ME1: variants seen among roughly 807,000 people sequenced by gnomAD.
ME1 encodes NADP-dependent malic enzyme.
A neutral mutation model predicts 66.4 loss-of-function variants in ME1; 74 were observed. The observed-to-expected ratio is 1.11, with a 90% CI of 0.92 to 1.35. The LOEUF (loss-of-function observed/expected upper bound fraction) is 1.35. Among genes scored for constraint, ME1 ranks in the 40% most tolerant of loss-of-function variants. ME1 has a pLI of 0.00. For synonymous variants in ME1, 251 were observed against 235.6 expected, an observed-to-expected ratio of 1.07 and a Z score of -0.60; for missense variants, 750 against 694.1, an observed-to-expected ratio of 1.08 and a Z score of -0.90.
At chr6:83,361,568 T>C (rs1275693261) in intron 3 of ME1, among the ~76,000 whole-genome samples, 2 of 152,250 alleles carry the variant, frequency 1.3e-5, no homozygotes, top group Non-Finnish European at 2.9e-5. Flanking sequence ...ATAGGGATGC[T>C]GTTTGGAGCC....
chr6:83,212,127 A>G (rs764591954), intron 13 of ME1, 33 bp from the exon 14 acceptor site: 52 of 1,490,512 alleles, frequency 3.5e-5, no homozygotes, highest in Non-Finnish European at 4.4e-5. Context: ...AATTATTTTA[A>G]TAAATAGAGG....
At chr6:83,420,667 G>A (rs1770246320) in intron 1 of ME1, among the ~76,000 whole-genome samples, 1 of 152,158 alleles carries the variant, frequency 6.6e-6, no homozygotes, top group Non-Finnish European at 1.5e-5. Flanking sequence ...CACAAGGTAG[G>A]ATGTGAACTC....
chr6:83,284,828 T>C (rs751632625), intron 6 of ME1, among the ~76,000 whole-genome samples: 13 of 152,140 alleles, frequency 8.5e-5, no homozygotes, highest in Non-Finnish European at 1.8e-4. Context: ...CTATCCAACA[T>C]AGTACTGCAA....
At chr6:83,378,477 A>G (rs1769335929) in intron 3 of ME1, among the ~76,000 whole-genome samples, 1 of 152,162 alleles carries the variant, frequency 6.6e-6, no homozygotes, top group Admixed American at 6.6e-5. Flanking sequence ...TTTCTCATAT[A>G]GACCCTGACA....
rs566578902 is a variant in ME1, at chr6:83,326,891, AC to A, written c.601-11479del. On this transcript the variant is annotated intron_variant, in intron 5 of 13. Coordinates refer to ENST00000369705, the MANE Select transcript of ME1 (RefSeq NM_002395.6). ...CCAGCAATCCCATTACTGGGTATATACCCAAAGGATTATTGTTGCGGGAAGT... is the reference window on the plus strand; with the variant it reads ...CCAGCAATCCCATTACTGGGTATATACCAAAGGATTATTGTTGCGGGAAGT... Among the ~76,000 whole-genome samples the A allele has an allele frequency of 7.1e-3, 1,079 of 152,304 alleles. 9 individuals are homozygous for A. Among genetic ancestry groups the A allele is most frequent in the African/African-American group, 0.024 (1,010 of 41,562 alleles).
chr6:83,357,392 TTTA>T (rs1177550328), intron 3 of ME1, among the ~76,000 whole-genome samples: 2 of 152,242 alleles, frequency 1.3e-5, no homozygotes, highest in African/African-American at 4.8e-5. Flanking sequence ...GGGCTCATAG[TTTA>T]TTATCTTATT....
At chr6:83,229,124 G>A (rs932400704) in intron 9 of ME1, 193 bp from the exon 10 acceptor site, 11 of 611,842 alleles carry the variant, frequency 1.8e-5, no homozygotes, top group South Asian at 1.4e-4. Flanking sequence ...ATATGTCAAT[G>A]TTCTAGGCAA....
At chr6:83,356,145 C>G (rs1371499603) in intron 3 of ME1, among the ~76,000 whole-genome samples, 1 of 152,084 alleles carries the variant, frequency 6.6e-6, no homozygotes, top group East Asian at 1.9e-4. Context: ...ATGCAACTTT[C>G]TACTGTAATC....
chr6:83,342,711 T>C (rs1016124002), intron 5 of ME1, among the ~76,000 whole-genome samples: 2 of 152,052 alleles, frequency 1.3e-5, no homozygotes, highest in East Asian at 1.9e-4. Flanking sequence ...TTTTGAGACA[T>C]AGTTTTGCTG....
intron 5 of ME1, among the ~76,000 whole-genome samples, chr6:83,320,614 G>A (rs982679207): frequency 1.3e-5 from 2 of 152,178 alleles, no homozygotes; most frequent in South Asian, 2.1e-4. Flanking sequence ...ACTAATGGCT[G>A]CCAGAATTAA....
intron 6 of ME1, among the ~76,000 whole-genome samples, chr6:83,293,851 C>T (rs1001386143): frequency 1.3e-5 from 2 of 152,166 alleles, no homozygotes; most frequent in Non-Finnish European, 2.9e-5. Context: ...ATAAAAAACA[C>T]CACTGAAGCG....
chr6:83,353,989 C>A (rs1476340384), intron 3 of ME1, among the ~76,000 whole-genome samples: 1 of 152,146 alleles, frequency 6.6e-6, no homozygotes, highest in East Asian at 1.9e-4. Context: ...CCTACGTTTC[C>A]TCCTAATCAC....
chr6:83,405,236 G>A (rs1490005740), intron 2 of ME1, among the ~76,000 whole-genome samples: 1 of 152,020 alleles, frequency 6.6e-6, no homozygotes, highest in East Asian at 1.9e-4. Context: ...CTTGTTAGTT[G>A]TATTCCCGGG....
chr6:83,398,728 T>C (rs1434819593), intron 2 of ME1, among the ~76,000 whole-genome samples: 2 of 152,120 alleles, frequency 1.3e-5, no homozygotes, highest in African/African-American at 4.8e-5. Flanking sequence ...TCCCAGCACC[T>C]TGGGAGGCTG....
chr6:83,406,027 T>A (rs993809346), intron 2 of ME1, among the ~76,000 whole-genome samples: 7 of 152,212 alleles, frequency 4.6e-5, no homozygotes, highest in African/African-American at 1.7e-4. Flanking sequence ...GGCCAAGAGT[T>A]TTTAACATGA....
intron 5 of ME1, among the ~76,000 whole-genome samples, chr6:83,324,716 C>CA (rs55866196): frequency 0.31 from 14,920 of 48,406 alleles, 1,750 homozygotes; most frequent in Middle Eastern, 0.42. Flanking sequence ...GCCTACCAAC[C>CA]AAAAAAAAAA....
At chr6:83,294,344 A>AGGTG (rs1417565015) in intron 6 of ME1, among the ~76,000 whole-genome samples, 5 of 152,210 alleles carry the variant, frequency 3.3e-5, no homozygotes, top group African/African-American at 1.2e-4. Flanking sequence ...ACCATCTCTG[A>AGGTG]CATTCCAACT....
intron 6 of ME1, among the ~76,000 whole-genome samples, chr6:83,313,060 G>A (rs1185615347): frequency 6.6e-6 from 1 of 152,096 alleles, no homozygotes; most frequent in Non-Finnish European, 1.5e-5. Context: ...CCTGGCCCAA[G>A]GGTACTCCTT....
chr6:83,340,288 T>G (rs1244441864), intron 5 of ME1, among the ~76,000 whole-genome samples: 2 of 152,152 alleles, frequency 1.3e-5, no homozygotes, highest in African/African-American at 4.8e-5. Flanking sequence ...AGGCTAGAAT[T>G]TTCTGAATAA....
Sources: gnomAD v4.1 joint callset for allele counts (sites outside exome capture counted in the v4.1 genomes callset) on GRCh38, gnomAD v4.1.1 for gene constraint, MANE v1.5 for transcripts, NCBI Gene and HGNC (gene_info 2026-07-23, HGNC 2026-07-21) for gene names.